Variants in SGCZ observed in about 807,000 individuals in gnomAD.
SGCZ encodes sarcoglycan zeta, also known as zeta-sarcoglycan.
Under a neutral mutation model 41.3 loss-of-function variants are expected in SGCZ, and 40 were observed. The observed-to-expected ratio is 0.97, with a 90% CI of 0.75 to 1.26. The LOEUF (loss-of-function observed/expected upper bound fraction) is 1.26, where lower values mean the gene tolerates loss of function less well. SGCZ is among the 50% of genes most tolerant of loss of function. The pLI is 0.00. For synonymous variants in SGCZ, 206 were observed against 137.5 expected, an observed-to-expected ratio of 1.50 and a Z score of -3.49; for missense variants, 552 against 369.8, an observed-to-expected ratio of 1.49 and a Z score of -4.04.
chr8:14,247,972 A>T (rs1799164536), intron 3 of SGCZ, among the ~76,000 whole-genome samples: 1 of 152,254 alleles, frequency 6.6e-6, no homozygotes, highest in Non-Finnish European at 1.5e-5. Flanking sequence ...CAATCTGCAG[A>T]TTTAAAGCAA....
intron 2 of SGCZ, among the ~76,000 whole-genome samples, chr8:14,499,246 G>T (rs1802078735): frequency 6.6e-6 from 1 of 151,820 alleles, no homozygotes; most frequent in Non-Finnish European, 1.5e-5. Flanking sequence ...CTTCATATTT[G>T]TGAATTGGGT....
At chr8:14,392,298 T>G (rs1245198091) in intron 2 of SGCZ, among the ~76,000 whole-genome samples, 1 of 152,154 alleles carries the variant, frequency 6.6e-6, no homozygotes, top group African/African-American at 2.4e-5. Context: ...GTAGCTAAAC[T>G]AAAATAGGTG....
chr8:15,159,634 G>C (rs988601032), intron 1 of SGCZ, among the ~76,000 whole-genome samples: 1 of 152,104 alleles, frequency 6.6e-6, no homozygotes, highest in East Asian at 1.9e-4. Context: ...CATCATAGAA[G>C]TCTTCCCTGT....
intron 4 of SGCZ, among the ~76,000 whole-genome samples, chr8:14,200,527 A>C (rs1805419595): frequency 6.6e-6 from 1 of 152,212 alleles, no homozygotes; most frequent in African/African-American, 2.4e-5. Flanking sequence ...GATAAGGTAG[A>C]GAGCCCAGTA....
intron 1 of SGCZ, among the ~76,000 whole-genome samples, chr8:14,733,555 T>C (rs1798936674): frequency 6.6e-6 from 1 of 152,226 alleles, no homozygotes; most frequent in African/African-American, 2.4e-5. Context: ...TTAATTCTAA[T>C]GAATAATTAT....
intron 1 of SGCZ, among the ~76,000 whole-genome samples, chr8:15,168,981 G>A (rs1242309978): frequency 1.3e-5 from 2 of 152,122 alleles, no homozygotes; most frequent in East Asian, 3.9e-4. Flanking sequence ...AAAAGGCCTG[G>A]GAATTTATGA....
chr8:14,261,534 C>T (rs1474651109), intron 3 of SGCZ, among the ~76,000 whole-genome samples: 1 of 152,140 alleles, frequency 6.6e-6, no homozygotes, highest in African/African-American at 2.4e-5. Context: ...AATATTTTAT[C>T]AGCCTCTGTA....
intron 5 of SGCZ, 25 bp from the exon 6 acceptor site, chr8:14,108,260 T>C: frequency 6.2e-7 from 1 of 1,609,308 alleles, no homozygotes. Flanking sequence ...AATATAGCAG[T>C]CAGTATAAGC....
chr8:14,325,776 ATATATAT>A (rs1266692304), intron 2 of SGCZ, among the ~76,000 whole-genome samples: 4 of 107,834 alleles, frequency 3.7e-5, no homozygotes, highest in African/African-American at 1.7e-4. Flanking sequence ...ATATATATAT[ATATATAT>A]ATATATATAT....
At chr8:14,646,542 T>A (rs1447661576) in intron 1 of SGCZ, among the ~76,000 whole-genome samples, 2 of 151,902 alleles carry the variant, frequency 1.3e-5, no homozygotes, top group African/African-American at 4.8e-5. Flanking sequence ...TCTCCTTTGG[T>A]AGGACAATTT....
At chr8:14,376,107 T>C (rs578201258) in intron 2 of SGCZ, among the ~76,000 whole-genome samples, 4 of 151,434 alleles carry the variant, frequency 2.6e-5, no homozygotes, top group African/African-American at 7.3e-5. Flanking sequence ...AGGTCTGGAG[T>C]TCGAGACCAG....
chr8:14,635,088 A>G (rs1284837555), intron 1 of SGCZ, among the ~76,000 whole-genome samples: 1 of 151,680 alleles, frequency 6.6e-6, no homozygotes, highest in Non-Finnish European at 1.5e-5. Context: ...TAGAAATTTT[A>G]TCTTTAAGGC....
intron 1 of SGCZ, among the ~76,000 whole-genome samples, chr8:14,981,155 C>G (rs1029074957): frequency 6.6e-6 from 1 of 152,144 alleles, no homozygotes; most frequent in East Asian, 1.9e-4. Context: ...GAAACTCCTC[C>G]TAATGTGAAA....
In SGCZ at chr8:14,289,040, A is replaced by G. The variant is rs550318939; in HGVS notation, c.336+35063T>C. The stretch of plus-strand genomic sequence containing the variant: ...TTCTTGATGGCTAACAATATTGAAC[A>G]TCTGTATGTACTTGATATCTATTCG... On this transcript the variant is annotated intron_variant, in intron 3 of 7. Transcript: ENST00000382080. 3.9e-5 allele frequency among the ~76,000 whole-genome samples: 6 copies of G among 152,284 alleles called. 1 individual carries two copies. In the South Asian group the frequency reaches 1.0e-3, roughly 26 times the overall value.
intron 1 of SGCZ, among the ~76,000 whole-genome samples, chr8:14,620,935 C>T (rs1462345329): frequency 6.6e-6 from 1 of 152,130 alleles, no homozygotes; most frequent in Admixed American, 6.5e-5. Flanking sequence ...CATCCCATTA[C>T]TGGGTATATA....
At chr8:14,988,011 T>A (rs1173826680) in intron 1 of SGCZ, among the ~76,000 whole-genome samples, 1 of 151,988 alleles carries the variant, frequency 6.6e-6, no homozygotes. Context: ...TATGATTCTA[T>A]TTAACATTTC....
intron 3 of SGCZ, among the ~76,000 whole-genome samples, chr8:14,292,031 G>A (rs1406646339): frequency 5.9e-5 from 9 of 151,884 alleles, no homozygotes; most frequent in Admixed American, 5.9e-4. Flanking sequence ...TATTTTACTG[G>A]GCAATGTAAT....
chr8:14,898,278 G>A (rs1409573602), intron 1 of SGCZ, among the ~76,000 whole-genome samples: 2 of 152,064 alleles, frequency 1.3e-5, no homozygotes, highest in African/African-American at 4.8e-5. Flanking sequence ...GTGTTTAAAG[G>A]AGGAGGAAAG....
At chr8:14,425,449 C>T (rs929082157) in intron 2 of SGCZ, among the ~76,000 whole-genome samples, 1 of 151,838 alleles carries the variant, frequency 6.6e-6, no homozygotes, top group African/African-American at 2.4e-5. Flanking sequence ...GATGAAACCC[C>T]ATCTCTACTA....
Sources: gnomAD v4.1 joint callset for allele counts (sites outside exome capture counted in the v4.1 genomes callset) on GRCh38, gnomAD v4.1.1 for gene constraint, MANE v1.5 for transcripts, NCBI Gene and HGNC (gene_info 2026-07-23, HGNC 2026-07-21) for gene names.